EPS15L1: variants seen among roughly 807,000 people sequenced by gnomAD.
EPS15L1 encodes the protein epidermal growth factor receptor substrate 15-like 1.
In EPS15L1, 43 loss-of-function variants were observed where a neutral mutation model predicts 117.1. That is an observed-to-expected ratio of 0.37 (90% CI 0.29 to 0.47). The LOEUF is 0.47. Ranked by LOEUF, EPS15L1 falls within the 20% of genes least tolerant of loss-of-function variation. The pLI is 0.99. For missense variants in EPS15L1, 981 were observed against 1,164.0 expected (o/e 0.84, Z 2.29); for synonymous variants, 459 against 470.5 (o/e 0.98, Z 0.32).
At chr19:16,464,051 T>C (rs1293469422) in intron 1 of EPS15L1, among the ~76,000 whole-genome samples, 1 of 152,168 alleles carries the variant, frequency 6.6e-6, no homozygotes, top group East Asian at 1.9e-4. Flanking sequence ...CAGCTGCCGG[T>C]AGCAGCGCCT....
chr19:16,377,349 G>T, intron 21 of EPS15L1, 95 bp from the exon 22 acceptor site: 1 of 1,435,430 alleles, frequency 7.0e-7, no homozygotes, highest in Non-Finnish European at 9.6e-7. Context: ...AAGGGCCCTG[G>T]CAAGGCCTCC....
chr19:16,363,143 C>T (rs2092082465), intron 22 of EPS15L1, among the ~76,000 whole-genome samples: 1 of 152,162 alleles, frequency 6.6e-6, no homozygotes, highest in South Asian at 2.1e-4. Flanking sequence ...GTTTGCAGGC[C>T]AGCCGGGCTG....
intron 16 of EPS15L1, chr19:16,401,512 G>A: frequency 1.0e-6 from 1 of 985,750 alleles, no homozygotes; most frequent in Non-Finnish European, 1.2e-6. Context: ...GAGCACCAAG[G>A]AAACATCCAG....
intron 1 of EPS15L1, among the ~76,000 whole-genome samples, chr19:16,466,574 A>G (rs2093307442): frequency 6.6e-6 from 1 of 152,210 alleles, no homozygotes; most frequent in Non-Finnish European, 1.5e-5. Context: ...GATGCCAAAT[A>G]AATACTCACT....
intron 1 of EPS15L1, among the ~76,000 whole-genome samples, chr19:16,465,257 CAGTCATCTGCCCCT>C (rs1431759725): frequency 6.6e-6 from 1 of 152,148 alleles, no homozygotes; most frequent in African/African-American, 2.4e-5. Flanking sequence ...AAATGGAAGC[CAGTCATCTGCCCCT>C]CCTGCAGCTT....
At chr19:16,387,393 G>A (rs2092431266) in intron 19 of EPS15L1, among the ~76,000 whole-genome samples, 1 of 152,152 alleles carries the variant, frequency 6.6e-6, no homozygotes, top group African/African-American at 2.4e-5. Flanking sequence ...GATCACCTGA[G>A]GTCAGGAGTT....
Position 16,471,358 on chromosome 19 carries a change from G to T in EPS15L1, c.33+555C>A, listed in dbSNP as rs2093344660. Among the ~76,000 whole-genome samples the T allele has an allele frequency of 6.6e-6, 1 of 152,222 alleles. No homozygotes were observed. Among genetic ancestry groups the T allele is most frequent in the African/African-American group, 2.4e-5 (1 of 41,470 alleles). On this transcript the variant is annotated intron_variant, in intron 1 of 23. Transcript: ENST00000455140. This position sits in a 1 kb window ranked among gnomAD's most constrained non-coding sequence, Gnocchi z 4.8. Reference sequence around the variant, plus strand: ...CGCTATCGATACTGCCCCTTCATAAGCGCATCAGGCGAATTTGAGGACACA... The same window carrying T: ...CGCTATCGATACTGCCCCTTCATAATCGCATCAGGCGAATTTGAGGACACA...
intron 7 of EPS15L1, among the ~76,000 whole-genome samples, chr19:16,434,035 A>G (rs2092955045): frequency 6.6e-6 from 1 of 152,228 alleles, no homozygotes. Context: ...CACAATGGAA[A>G]GGGGGAAAGC....
chr19:16,417,352 G>C (rs2144919954), intron 12 of EPS15L1, 200 bp downstream of exon 12: 1 of 566,714 alleles, frequency 1.8e-6, no homozygotes, highest in South Asian at 1.9e-5. Context: ...ACGGGCTCTG[G>C]CTGAGGCTGA....
rs1296879548 is a variant in EPS15L1, at chr19:16,471,480, T to G, written c.33+433A>C. ...GATCAGTCTGAGATCGCACTGCTGC[T>G]GACGGGTCCGGGCTCCGGCGGGACC... On this transcript the variant is annotated intron_variant, in intron 1 of 23. Coordinates refer to ENST00000455140, the MANE Select transcript of EPS15L1 (RefSeq NM_001258374.3). This position sits in a 1 kb window ranked among gnomAD's most constrained non-coding sequence, Gnocchi z 4.8. Among the ~76,000 whole-genome samples the G allele has an allele frequency of 6.6e-6, 1 of 152,206 alleles. No individual in the cohort carries two copies. Among genetic ancestry groups the G allele is most frequent in the African/African-American group, 2.4e-5 (1 of 41,456 alleles).
chr19:16,436,603 C>T lies in EPS15L1; in HGVS notation c.372+334G>A, dbSNP rs565270227. ...CGTTTCCTCTTCTATTCTGAATAAC[C>T]AACACAAGCAGCAAAAACCACAGAA... On this transcript the variant is annotated intron_variant, in intron 6 of 23. Coordinates refer to ENST00000455140, the MANE Select transcript of EPS15L1 (RefSeq NM_001258374.3). 7.1e-5 allele frequency: 17 copies of T among 237,960 alleles called. No homozygotes were observed. In the East Asian group the frequency reaches 1.3e-3, roughly 18 times the overall value. The allele number at this position is 237,960 out of a possible 1,614,324, so 14.7% of individuals were successfully genotyped here.
Position 16,385,156 on chromosome 19 carries a change from G to T in EPS15L1, c.2220C>A (p.Gly740=), listed in dbSNP as rs2144740100. The change falls in exon 21 of 24, where the codon GGC becomes GGA. Residue 740 remains glycine, a synonymous_variant. Transcript: ENST00000455140. ...TGGACATCTGGCTGAAGTCGGCAAA[G>T]CCTTCAGCACTATTGAAGGACCCAC... The part of the protein sequence containing the change: ...FGSGSFNSAE[G]FADFSQMSKP... The T allele has an allele frequency of 6.2e-7, 1 of 1,614,160 alleles. No individual in the cohort carries two copies. Among genetic ancestry groups the T allele is most frequent in the Non-Finnish European group, 8.5e-7 (1 of 1,180,006 alleles).
chr19:16,421,021 T>C (rs2092808624), intron 10 of EPS15L1, among the ~76,000 whole-genome samples: 1 of 152,206 alleles, frequency 6.6e-6, no homozygotes, highest in East Asian at 1.9e-4. Flanking sequence ...AGAGCCAGCA[T>C]CACAGCCAGC....
chr19:16,435,301 T>C (rs1470898113), intron 6 of EPS15L1: 3 of 151,884 alleles, frequency 2.0e-5, no homozygotes, highest in Non-Finnish European at 2.9e-5. Flanking sequence ...AATACGTAAA[T>C]AGGAATAGCT....
Position 16,367,984 on chromosome 19 carries a change from A to T in EPS15L1, c.2381-6000T>A, listed in dbSNP as rs1020843560. ...AAACATGAGAGTGAGAGAGAGAGAG[A>T]GTGTGTGTGTGTGTGTGTGTGTTTG... On this transcript the variant is annotated intron_variant, in intron 22 of 23. Transcript: ENST00000455140. 2.0e-4 allele frequency among the ~76,000 whole-genome samples: 30 copies of T among 151,384 alleles called. No individual in the cohort carries two copies. In the East Asian group the frequency reaches 2.7e-3, roughly 14 times the overall value.
At chr19:16,456,009 T>C (rs938058588) in intron 1 of EPS15L1, among the ~76,000 whole-genome samples, 1 of 152,126 alleles carries the variant, frequency 6.6e-6, no homozygotes, top group Non-Finnish European at 1.5e-5. Context: ...GAGACCAGCC[T>C]GACCAACATG....
Position 16,355,627 on chromosome 19 carries a change from G to A in EPS15L1, c.*78C>T, listed in dbSNP as rs1430506020. On this transcript the variant is annotated 3_prime_UTR_variant, in exon 24 of 24. Coordinates refer to ENST00000455140, the MANE Select transcript of EPS15L1 (RefSeq NM_001258374.3). The stretch of plus-strand genomic sequence containing the variant: ...TTGGAGTACGGTGGCGACGGTGTGT[G>A]TGTGTATATATAGACATCTGCACTG... The A allele has an allele frequency of 3.7e-5, 54 of 1,457,832 alleles. No homozygotes were observed. Among genetic ancestry groups the A allele is most frequent in the Non-Finnish European group, 4.9e-5 (53 of 1,090,266 alleles). The allele number at this position is 1,457,832 out of a possible 1,614,324, so 90.3% of individuals were successfully genotyped here. A position where few individuals can be genotyped will look rare whatever the true frequency, so the allele number is the denominator to read the frequency against.
intron 9 of EPS15L1, among the ~76,000 whole-genome samples, chr19:16,422,975 G>C (rs1033408033): frequency 2.0e-5 from 3 of 150,408 alleles, no homozygotes; most frequent in African/African-American, 4.9e-5. Context: ...AAAAAAGGGG[G>C]GGGGGATTTC....
chr19:16,435,852 C>G (rs2092973127), intron 6 of EPS15L1, among the ~76,000 whole-genome samples: 1 of 152,186 alleles, frequency 6.6e-6, no homozygotes, highest in African/African-American at 2.4e-5. Context: ...TCCCTGACTC[C>G]TCTCTGCGAG....
Sources: gnomAD v4.1 joint callset for allele counts (sites outside exome capture counted in the v4.1 genomes callset) on GRCh38, gnomAD v4.1.1 for gene constraint, Gnocchi (gnomAD v3.1) non-coding constraint, MANE v1.5 for transcripts, NCBI Gene and HGNC (gene_info 2026-07-23, HGNC 2026-07-21) for gene names.